Variants in GNL3L observed in about 807,000 individuals in gnomAD.
The protein encoded by GNL3L is guanine nucleotide-binding protein-like 3-like protein.
In GNL3L, 4 loss-of-function variants were observed where a neutral mutation model predicts 42.9. The observed-to-expected ratio is 0.09, with a 90% CI of 0.05 to 0.21. The LOEUF (loss-of-function observed/expected upper bound fraction) is 0.21. Among genes scored for constraint, GNL3L ranks in the 10% least tolerant of loss-of-function variants. GNL3L has a pLI of 1.00. For missense variants in GNL3L, 412 were observed against 481.7 expected, an observed-to-expected ratio of 0.86 and a Z score of 1.36; for synonymous variants, 159 against 176.3, an observed-to-expected ratio of 0.90 and a Z score of 0.78.
At chrX:54,554,735 G>C in intron 14 of GNL3L, 43 bp downstream of exon 14, 1 of 1,158,955 alleles carries the variant, frequency 8.6e-7, no homozygotes, top group Non-Finnish European at 1.2e-6. Context: ...TCTCTCCCCA[G>C]GGCTCTGGGA....
intron 8 of GNL3L, among the ~76,000 whole-genome samples, chrX:54,544,652 T>C (rs1052144564): frequency 9.1e-6 from 1 of 109,704 alleles, no homozygotes; most frequent in Non-Finnish European, 1.9e-5. Flanking sequence ...GTAATTTTTT[T>C]ATTTTTAGTA....
chrX:54,629,619 C>T, the GNL3L span, among the ~76,000 whole-genome samples: 10 of 111,650 alleles, frequency 9.0e-5, no homozygotes, highest in Non-Finnish European at 1.7e-4. Context: ...CCCACTTGAT[C>T]ATGGTGGATT....
chrX:54,639,941 ACT>A, the GNL3L span, among the ~76,000 whole-genome samples: 305 of 107,924 alleles, frequency 2.8e-3, 2 homozygotes, highest in Non-Finnish European at 5.0e-3. Context: ...GGAGTCTTGG[ACT>A]CTCTCGGAGA....
At chrX:54,556,640 A>G (rs1324816436) in intron 14 of GNL3L, among the ~76,000 whole-genome samples, 1 of 110,423 alleles carries the variant, frequency 9.1e-6, no homozygotes, top group Non-Finnish European at 1.9e-5. Context: ...TTGGCCTCCC[A>G]AAGTGTTTGG....
intron 9 of GNL3L, among the ~76,000 whole-genome samples, chrX:54,549,936 A>G (rs1246359066): frequency 9.1e-6 from 1 of 110,468 alleles, no homozygotes; most frequent in Non-Finnish European, 1.9e-5. Flanking sequence ...AGAGGCATCC[A>G]TGAAGTGACC....
At chrX:54,596,421 T>G (rs1925931548) in intron 16 of GNL3L, among the ~76,000 whole-genome samples, 3 of 111,543 alleles carry the variant, frequency 2.7e-5, no homozygotes, top group African/African-American at 9.8e-5. Context: ...AAACAAAATC[T>G]CTCTCTGTTC....
In GNL3L at chrX:54,556,997, A is replaced by G. The variant is rs753945107; in HGVS notation, c.1447-1439A>G. Among the ~76,000 whole-genome samples the G allele has an allele frequency of 3.6e-5, 4 of 110,358 alleles. No individual in the cohort carries two copies. In the East Asian group the frequency reaches 1.2e-3, roughly 33 times the overall value. On this transcript the variant is annotated intron_variant, in intron 14 of 15. Coordinates refer to ENST00000360845, the MANE Select transcript of GNL3L (RefSeq NM_001184819.2). Reference sequence around the variant, plus strand: ...GGAGTTCGAGGCCAGCCTGGCCAACATGGTGAAACCCCGTCTCTACTAAAA... The same window carrying G: ...GGAGTTCGAGGCCAGCCTGGCCAACGTGGTGAAACCCCGTCTCTACTAAAA...
chrX:54,543,125 A>G, intron 6 of GNL3L, 82 bp from the exon 7 acceptor site: 1 of 1,120,728 alleles, frequency 8.9e-7, no homozygotes, highest in South Asian at 1.8e-5. Context: ...CCTGACTGAG[A>G]TGGAGATTTT....
At chrX:54,600,629 A>C (rs1423421721) in intron 16 of GNL3L, among the ~76,000 whole-genome samples, 1 of 110,525 alleles carries the variant, frequency 9.0e-6, no homozygotes, top group Non-Finnish European at 1.9e-5. Flanking sequence ...TAGGTTCTCC[A>C]CTTGGCCTTC....
At chrX:54,538,568 G>A (rs1924516932) in intron 2 of GNL3L, among the ~76,000 whole-genome samples, 1 of 111,780 alleles carries the variant, frequency 8.9e-6, no homozygotes, top group South Asian at 3.7e-4. Flanking sequence ...TTTTGGCTGA[G>A]TAGGTCAAGT....
chrX:54,567,646 C>CAA (rs773348759), downstream of GNL3L, among the ~76,000 whole-genome samples: 2 of 76,460 alleles, frequency 2.6e-5, no homozygotes. Context: ...AACTCCATCT[C>CAA]AAAAAAAAAA....
chrX:54,628,209 C>T, the GNL3L span, among the ~76,000 whole-genome samples: 1 of 90,370 alleles, frequency 1.1e-5, no homozygotes, highest in Non-Finnish European at 2.1e-5. Context: ...AGTAGTATTC[C>T]GTGGTGTGTG....
intron 16 of GNL3L, among the ~76,000 whole-genome samples, chrX:54,599,445 A>G (rs1255370702): frequency 1.8e-5 from 2 of 111,403 alleles, no homozygotes; most frequent in Middle Eastern, 4.6e-3. Context: ...TCTATGAGAA[A>G]TCTGTGTGCT....
chrX:54,645,717 A>G, the GNL3L span, among the ~76,000 whole-genome samples: 10 of 112,142 alleles, frequency 8.9e-5, no homozygotes, highest in South Asian at 3.7e-3. Flanking sequence ...AGGACTGAAG[A>G]TGTGCCTATA....
chrX:54,613,310 T>A (rs1391784606), intron 16 of GNL3L, among the ~76,000 whole-genome samples: 1 of 111,911 alleles, frequency 8.9e-6, no homozygotes, highest in Non-Finnish European at 1.9e-5. Context: ...AGCTATCTAT[T>A]TCTTTGAATA....
chrX:54,605,521 C>T (rs765944167), intron 16 of GNL3L, among the ~76,000 whole-genome samples: 18 of 111,491 alleles, frequency 1.6e-4, no homozygotes, highest in Non-Finnish European at 1.5e-4. Context: ...ATTACAGCTC[C>T]GGTCTCAATC....
chrX:54,552,229 T>C lies in GNL3L; in HGVS notation c.1182-63T>C, dbSNP rs1924965442. On this transcript the variant is annotated intron_variant, in intron 12 of 15. Coordinates refer to ENST00000360845, the MANE Select transcript of GNL3L (RefSeq NM_001184819.2). ...GTTTCTGGCCTGCAAACTCATCGTC[T>C]CTTGGATTGTCATTGGTTCTCTCAG... 4 of 1,126,927 alleles carry C rather than the reference T, an allele frequency of 3.5e-6. No homozygotes were observed. The Admixed American group carries it at 8.9e-5, about 25-fold the overall frequency. The allele number at this position is 1,126,927 out of a possible 1,213,427, so 92.9% of individuals were successfully genotyped here.
intron 16 of GNL3L, among the ~76,000 whole-genome samples, chrX:54,577,958 GTC>G (rs1925658678): frequency 9.0e-6 from 1 of 110,921 alleles, no homozygotes; most frequent in African/African-American, 3.3e-5. Flanking sequence ...GCCCAGGCTG[GTC>G]TCAAACTCCT....
At position 54,565,280 on chromosome X, in the gene GNL3L, A is replaced by G. The variant is rs1440101280; in HGVS notation, c.*4678A>G. On this transcript the variant is annotated 3_prime_UTR_variant, in exon 16 of 16. Coordinates refer to ENST00000360845, the MANE Select transcript of GNL3L (RefSeq NM_001184819.2). ...AAGTAAAGCTGCTATAAACATTTGT[A>G]TGCAACATTTTGTGTTTTCATTTAT... is the stretch of plus-strand genomic sequence containing the variant. Among the ~76,000 whole-genome samples the G allele has an allele frequency of 9.0e-6, 1 of 111,680 alleles. No individual in the cohort carries two copies. The highest frequency in any genetic ancestry group is 3.3e-5 in the African/African-American group (1 of 30,723).
Sources: allele counts gnomAD v4.1 joint callset (sites outside exome capture counted in the v4.1 genomes callset), GRCh38; gene constraint gnomAD v4.1.1; transcripts MANE v1.5; gene names NCBI Gene and HGNC (gene_info 2026-07-23, HGNC 2026-07-21).